SLC4A8: variants seen among roughly 807,000 people sequenced by gnomAD.
The protein encoded by SLC4A8 is electroneutral sodium bicarbonate exchanger 1.
Under a neutral mutation model 125.0 loss-of-function variants are expected in SLC4A8, and 40 were observed. That is an observed-to-expected ratio of 0.32 (90% confidence interval 0.25 to 0.42). The LOEUF is 0.42. Among genes scored for constraint, SLC4A8 ranks in the 10% least tolerant of loss-of-function variants. The pLI is 1.00. For synonymous variants in SLC4A8, 456 were observed against 476.0 expected (o/e 0.96, Z 0.55); for missense variants, 863 against 1,355.1 (o/e 0.64, Z 5.70).
chr12:51,492,386 C>T (rs775300892), intron 19 of SLC4A8, among the ~76,000 whole-genome samples: 2 of 152,160 alleles, frequency 1.3e-5, no homozygotes, highest in African/African-American at 2.4e-5. Context: ...TCCACTCAAC[C>T]TTACCACCCA....
At chr12:51,487,908 T>C (rs1203957289) in intron 17 of SLC4A8, among the ~76,000 whole-genome samples, 1 of 152,240 alleles carries the variant, frequency 6.6e-6, no homozygotes, top group African/African-American at 2.4e-5. Flanking sequence ...TATGTGGCTC[T>C]GGAGAGAAGT....
intron 21 of SLC4A8, 43 bp downstream of exon 21, chr12:51,495,161 T>C: frequency 6.7e-7 from 1 of 1,491,074 alleles, no homozygotes; most frequent in Non-Finnish European, 9.2e-7. Flanking sequence ...ATCATTGTTA[T>C]TTTTTAGTGG....
chr12:51,394,202 G>A (rs1460754492), intron 1 of SLC4A8, among the ~76,000 whole-genome samples: 2 of 152,226 alleles, frequency 1.3e-5, no homozygotes, highest in Non-Finnish European at 2.9e-5. Flanking sequence ...TGAGAGGGCC[G>A]GGCCCAGCTT....
At chr12:51,465,952 C>T (rs1565797536) in intron 11 of SLC4A8, among the ~76,000 whole-genome samples, 2 of 152,154 alleles carry the variant, frequency 1.3e-5, no homozygotes, top group Non-Finnish European at 2.9e-5. Flanking sequence ...ATTTTTCGGA[C>T]TATTAGTTGT....
intron 1 of SLC4A8, among the ~76,000 whole-genome samples, chr12:51,406,407 TG>T (rs1948489476): frequency 6.6e-6 from 1 of 152,184 alleles, no homozygotes; most frequent in South Asian, 2.1e-4. Context: ...AAGAAAGACC[TG>T]GTCCCTATCT....
chr12:51,507,573 C>G lies in SLC4A8; in HGVS notation c.*135C>G, dbSNP rs186384887. 2 of 561,368 alleles carry G rather than the reference C, an allele frequency of 3.6e-6. No homozygotes were observed. Among genetic ancestry groups the G allele is most frequent in the Non-Finnish European group, 6.0e-6 (2 of 335,648 alleles). 34.8% of individuals were successfully genotyped at this position (561,368 alleles called of 1,614,324 possible). A position where few individuals can be genotyped will look rare whatever the true frequency, so the allele number is the denominator to read the frequency against. On this transcript the variant is annotated 3_prime_UTR_variant, in exon 25 of 25. Coordinates refer to ENST00000453097, the MANE Select transcript of SLC4A8 (RefSeq NM_001039960.3). ...GTCCTTGGTCATCTCAAAGCCATGC[C>G]GAAGCATTCAGTTATTCTTGGTGTG...
chr12:51,483,248 T>C (rs1238372475), intron 16 of SLC4A8, among the ~76,000 whole-genome samples: 1 of 152,086 alleles, frequency 6.6e-6, no homozygotes, highest in African/African-American at 2.4e-5. Flanking sequence ...TCACAGTTGT[T>C]GTTTAAACTA....
At chr12:51,400,904 TCTCA>T (rs1339227855) in intron 1 of SLC4A8, among the ~76,000 whole-genome samples, 2 of 148,454 alleles carry the variant, frequency 1.3e-5, no homozygotes, top group African/African-American at 5.0e-5. Context: ...TTAAACAGGG[TCTCA>T]CTCTGTTGCC....
At position 51,475,175 on chromosome 12, in the gene SLC4A8, C is replaced by T. The variant is rs749911186; in HGVS notation, c.2141C>T (p.Thr714Met). Residue 714 changes from threonine (T) to methionine (M), a missense_variant, in exon 16 of 25, where the codon ACG becomes ATG. Coordinates refer to ENST00000453097, the MANE Select transcript of SLC4A8 (RefSeq NM_001039960.3). ...TTCATCCTCTCAAGCACCTTAAAGACGTTTAAGACGAGCCGTTATTTCCCA... is the reference window on the plus strand; with the variant it reads ...TTCATCCTCTCAAGCACCTTAAAGATGTTTAAGACGAGCCGTTATTTCCCA... Reference protein sequence around the residue: ...TTFILSSTLKTFKTSRYFPTR... With the variant: ...TTFILSSTLKMFKTSRYFPTR... The T allele has an allele frequency of 1.5e-5, 24 of 1,613,982 alleles. No individual in the cohort carries two copies. In the East Asian group the frequency reaches 1.6e-4, roughly 10 times the overall value.
chr12:51,496,899 T>C, intron 21 of SLC4A8, 88 bp from the exon 22 acceptor site: 1 of 1,321,528 alleles, frequency 7.6e-7, no homozygotes, highest in Non-Finnish European at 1.1e-6. Flanking sequence ...TGAAATGTCC[T>C]AGTCTGCTGT....
chr12:51,406,685 C>T (rs1485307693), intron 1 of SLC4A8, among the ~76,000 whole-genome samples: 1 of 152,218 alleles, frequency 6.6e-6, no homozygotes, highest in Admixed American at 6.5e-5. Context: ...GAGCAAATAA[C>T]ATGCCCCTGT....
At chr12:51,395,042 TAAA>T (rs10557992) in intron 1 of SLC4A8, among the ~76,000 whole-genome samples, 38,708 of 144,358 alleles carry the variant, frequency 0.27, 5,249 homozygotes, top group Non-Finnish European at 0.32. Context: ...AAAAAATAAA[TAAA>T]AAAAAAACGG....
chr12:51,437,823 T>A (rs918956481), intron 1 of SLC4A8, among the ~76,000 whole-genome samples: 4 of 152,122 alleles, frequency 2.6e-5, no homozygotes, highest in Non-Finnish European at 4.4e-5. Flanking sequence ...AAGGTGGGAA[T>A]GTGCACAGTG....
chr12:51,424,859 G>C lies in SLC4A8; in HGVS notation c.-129G>C. ...GGCCGGTGGCTATGGAGGCGGCGGC[G>C]GTTGATGGTTGACCGTTGGCTCCGG... is the stretch of plus-strand genomic sequence containing the variant. On this transcript the variant is annotated 5_prime_UTR_variant, in exon 1 of 25. Transcript: ENST00000453097. The C allele has an allele frequency of 1.0e-6, 1 of 990,872 alleles. No homozygotes were observed. The allele number at this position is 990,872 out of a possible 1,614,324, so 61.4% of individuals were successfully genotyped here.
chr12:51,426,343 C>T (rs1401739051), intron 1 of SLC4A8, among the ~76,000 whole-genome samples: 3 of 152,034 alleles, frequency 2.0e-5, no homozygotes, highest in South Asian at 2.1e-4. Flanking sequence ...GTTTGGGATA[C>T]AATGGTAAGA....
At chr12:51,496,287 T>C (rs1423606771) in intron 21 of SLC4A8, among the ~76,000 whole-genome samples, 5 of 152,232 alleles carry the variant, frequency 3.3e-5, no homozygotes, top group African/African-American at 9.6e-5. Context: ...TTATAGCTGA[T>C]GAACAGCAGT....
intron 23 of SLC4A8, among the ~76,000 whole-genome samples, chr12:51,504,699 A>G (rs1175613049): frequency 6.6e-6 from 1 of 152,224 alleles, no homozygotes; most frequent in African/African-American, 2.4e-5. Flanking sequence ...GAAATAGTCA[A>G]TGTTAGCCTG....
At chr12:51,490,587 T>TGTGGTGG (rs1565817756) in intron 19 of SLC4A8, among the ~76,000 whole-genome samples, 1 of 129,594 alleles carries the variant, frequency 7.7e-6, no homozygotes, top group Admixed American at 8.0e-5. Flanking sequence ...AAAAAAAAGA[T>TGTGGTGG]GAGGTGGAGC....
intron 1 of SLC4A8, among the ~76,000 whole-genome samples, chr12:51,398,311 T>C (rs1244245812): frequency 6.6e-6 from 1 of 152,236 alleles, no homozygotes; most frequent in African/African-American, 2.4e-5. Flanking sequence ...TCAGTCTTTC[T>C]TTTGTATAAC....
Sources: gnomAD v4.1 joint callset for allele counts (sites outside exome capture counted in the v4.1 genomes callset) on GRCh38, gnomAD v4.1.1 for gene constraint, MANE v1.5 for transcripts, NCBI Gene and HGNC (gene_info 2026-07-23, HGNC 2026-07-21) for gene names.